Variants in CSNK2A2IP observed in about 807,000 individuals in gnomAD.
CSNK2A2IP encodes casein kinase 2 subunit alpha' interacting protein.
At chr3:88,438,510 A>T in the CSNK2A2IP span, among the ~76,000 whole-genome samples, 1 of 152,106 alleles carries the variant, frequency 6.6e-6, no homozygotes, top group African/African-American at 2.4e-5. Context: ...CCCCTAAAAA[A>T]ATTTTCTGAC....
chr3:88,445,075 C>T, the CSNK2A2IP span, among the ~76,000 whole-genome samples: 1 of 151,630 alleles, frequency 6.6e-6, no homozygotes, highest in African/African-American at 2.4e-5. Flanking sequence ...TTAGATTGTC[C>T]GAGATGCTGT....
At chr3:88,348,415 T>C in the CSNK2A2IP span, among the ~76,000 whole-genome samples, 1 of 152,084 alleles carries the variant, frequency 6.6e-6, no homozygotes, top group South Asian at 2.1e-4. Flanking sequence ...GTATTGCCTA[T>C]TCTACTTAGA....
chr3:88,346,130 C>T, the CSNK2A2IP span, among the ~76,000 whole-genome samples: 2 of 152,002 alleles, frequency 1.3e-5, no homozygotes, highest in Admixed American at 1.3e-4. Context: ...AGGCTTCTAA[C>T]TCTCTTCAAT....
At chr3:88,463,353 C>T in the CSNK2A2IP span, among the ~76,000 whole-genome samples, 1 of 151,556 alleles carries the variant, frequency 6.6e-6, no homozygotes, top group African/African-American at 2.4e-5. Context: ...CTATGAATTG[C>T]CTTTAAGAAG....
the CSNK2A2IP span, among the ~76,000 whole-genome samples, chr3:88,440,794 G>A: frequency 6.6e-6 from 1 of 152,060 alleles, no homozygotes; most frequent in African/African-American, 2.4e-5. Context: ...AAGTCATCTA[G>A]AGATTATCTC....
At chr3:88,350,387 G>A in the CSNK2A2IP span, among the ~76,000 whole-genome samples, 1 of 152,020 alleles carries the variant, frequency 6.6e-6, no homozygotes, top group Admixed American at 6.6e-5. Context: ...TTTGTAGAGT[G>A]GCTCAACTAC....
At chr3:88,380,138 A>G in the CSNK2A2IP span, among the ~76,000 whole-genome samples, 3 of 152,142 alleles carry the variant, frequency 2.0e-5, no homozygotes, top group Admixed American at 6.6e-5. Context: ...TAAATGTGAT[A>G]GGTATGAATT....
At chr3:88,348,719 G>T in the CSNK2A2IP span, among the ~76,000 whole-genome samples, 1 of 151,790 alleles carries the variant, frequency 6.6e-6, no homozygotes, top group African/African-American at 2.4e-5. Context: ...CCCTTTTTTG[G>T]GCATCACATT....
At chr3:88,443,616 G>C in the CSNK2A2IP span, among the ~76,000 whole-genome samples, 2 of 151,990 alleles carry the variant, frequency 1.3e-5, no homozygotes, top group African/African-American at 4.8e-5. Flanking sequence ...ATGTCCAGAG[G>C]GAAAGTCCAA....
the CSNK2A2IP span, among the ~76,000 whole-genome samples, chr3:88,375,003 A>G: frequency 3.3e-5 from 5 of 151,712 alleles, no homozygotes; most frequent in Non-Finnish European, 5.9e-5. Flanking sequence ...AGCCTCCACA[A>G]CCTCATGCAT....
the CSNK2A2IP span, among the ~76,000 whole-genome samples, chr3:88,351,167 G>A: frequency 6.6e-6 from 1 of 151,962 alleles, no homozygotes; most frequent in Non-Finnish European, 1.5e-5. Flanking sequence ...CTCACTAAAT[G>A]TATTTTATTA....
At chr3:88,403,343 A>G in the CSNK2A2IP span, among the ~76,000 whole-genome samples, 1 of 152,168 alleles carries the variant, frequency 6.6e-6, no homozygotes, top group African/African-American at 2.4e-5. Flanking sequence ...TAAGGTCACC[A>G]TTGAAAAATG....
At chr3:88,405,758 T>G in the CSNK2A2IP span, among the ~76,000 whole-genome samples, 2 of 152,192 alleles carry the variant, frequency 1.3e-5, no homozygotes, top group African/African-American at 4.8e-5. Flanking sequence ...TTAAGGCACT[T>G]TTCCTTTATT....
At chr3:88,341,644 C>A in the CSNK2A2IP span, among the ~76,000 whole-genome samples, 1 of 151,724 alleles carries the variant, frequency 6.6e-6, no homozygotes, top group Non-Finnish European at 1.5e-5. Flanking sequence ...CTTTTAGTTT[C>A]ACTTTGATTG....
At chr3:88,465,308 T>C in the CSNK2A2IP span, 45 of 1,130,010 alleles carry the variant, frequency 4.0e-5, no homozygotes, top group Non-Finnish European at 4.9e-5. Flanking sequence ...AGTTACTAAA[T>C]CATCCCCACA....
At chr3:88,440,184 A>T in the CSNK2A2IP span, among the ~76,000 whole-genome samples, 3 of 152,304 alleles carry the variant, frequency 2.0e-5, no homozygotes, top group East Asian at 1.9e-4. Context: ...TTTCTTATAA[A>T]TATTTTTCCA....
the CSNK2A2IP span, among the ~76,000 whole-genome samples, chr3:88,353,567 T>C: frequency 1.4e-3 from 219 of 152,236 alleles, no homozygotes; most frequent in African/African-American, 5.1e-3. Flanking sequence ...GTTGGAAAAG[T>C]AGGATGAGAG....
chr3:88,379,940 T>G, the CSNK2A2IP span, among the ~76,000 whole-genome samples: 7 of 152,154 alleles, frequency 4.6e-5, no homozygotes, highest in African/African-American at 1.7e-4. Context: ...GTCATCTAAT[T>G]TAATGTTAGG....
At chr3:88,364,009 G>A in the CSNK2A2IP span, among the ~76,000 whole-genome samples, 1 of 152,090 alleles carries the variant, frequency 6.6e-6, no homozygotes, top group Non-Finnish European at 1.5e-5. Context: ...TCCTGCTTCT[G>A]TGCAATACTC....
Sources: allele counts gnomAD v4.1 joint callset (sites outside exome capture counted in the v4.1 genomes callset), GRCh38; gene constraint gnomAD v4.1.1; transcripts MANE v1.5; gene names NCBI Gene and HGNC (gene_info 2026-07-23, HGNC 2026-07-21).